The following AUTS2 variants were observed in gnomAD, a reference collection of about 807,000 sequenced individuals.
The protein encoded by AUTS2 is autism susceptibility gene 2 protein.
AUTS2 carries 17 observed loss-of-function variants against 112.4 expected under a neutral mutation model. The observed-to-expected ratio is 0.15, with a 90% CI of 0.10 to 0.23. The LOEUF is 0.23. AUTS2 is among the 10% of genes least tolerant of loss of function. The pLI is 1.00. For missense variants in AUTS2, 1,510 were observed against 1,701.6 expected, an observed-to-expected ratio of 0.89 and a Z score of 1.98; for synonymous variants, 751 against 702.7, an observed-to-expected ratio of 1.07 and a Z score of -1.09.
At chr7:70,089,640 T>A (rs1803803488) in intron 2 of AUTS2, among the ~76,000 whole-genome samples, 1 of 152,182 alleles carries the variant, frequency 6.6e-6, no homozygotes, top group Admixed American at 6.5e-5. Flanking sequence ...TTATATATTT[T>A]ATCTTATTTT....
chr7:70,068,663 T>A (rs1802612078), intron 2 of AUTS2, among the ~76,000 whole-genome samples: 1 of 152,212 alleles, frequency 6.6e-6, no homozygotes, highest in African/African-American at 2.4e-5. Context: ...CAATTGATGA[T>A]ATTTGTTTAA....
chr7:69,662,876 A>G (rs919454573), intron 1 of AUTS2, among the ~76,000 whole-genome samples: 5 of 152,212 alleles, frequency 3.3e-5, no homozygotes, highest in African/African-American at 4.8e-5. Flanking sequence ...GAATTACACA[A>G]TATAAGAGTT....
chr7:70,128,028 A>C (rs1806070804), intron 3 of AUTS2, among the ~76,000 whole-genome samples: 1 of 151,546 alleles, frequency 6.6e-6, no homozygotes, highest in South Asian at 2.1e-4. Context: ...AACAGACTTG[A>C]GCCACTACCA....
chr7:69,843,962 G>A (rs778187044), intron 1 of AUTS2, among the ~76,000 whole-genome samples: 7 of 152,180 alleles, frequency 4.6e-5, no homozygotes, highest in Non-Finnish European at 1.0e-4. Flanking sequence ...CAAGTGGCCT[G>A]ATAAATAGTA....
intron 6 of AUTS2, among the ~76,000 whole-genome samples, chr7:70,732,331 A>G (rs1231288216): frequency 1.3e-5 from 2 of 152,212 alleles, no homozygotes; most frequent in Admixed American, 6.5e-5. Flanking sequence ...GATTCCTCAC[A>G]TGGAGAAGAG....
chr7:70,678,405 GC>G (rs1387116882), intron 5 of AUTS2, among the ~76,000 whole-genome samples: 1 of 152,156 alleles, frequency 6.6e-6, no homozygotes, highest in East Asian at 1.9e-4. Flanking sequence ...ATATTGCCTT[GC>G]CCCTCAACTC....
chr7:70,615,058 A>T (rs1043879765), intron 5 of AUTS2, among the ~76,000 whole-genome samples: 1 of 152,206 alleles, frequency 6.6e-6, no homozygotes, highest in African/African-American at 2.4e-5. Flanking sequence ...CGAACGCTGG[A>T]TGAAGAACAA....
At chr7:70,480,240 A>G (rs1314406783) in intron 5 of AUTS2, among the ~76,000 whole-genome samples, 1 of 152,248 alleles carries the variant, frequency 6.6e-6, no homozygotes, top group Non-Finnish European at 1.5e-5. Context: ...ACTTAGGACA[A>G]CTTTGAGCCA....
At chr7:70,490,532 C>T (rs1377841930) in intron 5 of AUTS2, among the ~76,000 whole-genome samples, 2 of 152,044 alleles carry the variant, frequency 1.3e-5, no homozygotes, top group African/African-American at 4.8e-5. Flanking sequence ...GTGTACACAG[C>T]CCAGTTGACT....
chr7:69,665,494 C>T (rs1374120139), intron 1 of AUTS2, among the ~76,000 whole-genome samples: 1 of 152,084 alleles, frequency 6.6e-6, no homozygotes, highest in Non-Finnish European at 1.5e-5. Context: ...AAAACTGAAC[C>T]ACAGAAGTAT....
At chr7:69,912,289 C>G (rs1338057653) in intron 2 of AUTS2, among the ~76,000 whole-genome samples, 3 of 152,216 alleles carry the variant, frequency 2.0e-5, no homozygotes, top group African/African-American at 7.2e-5. Context: ...GGCACTTCCC[C>G]AGGCGCCTGA....
At chr7:69,774,426 T>G (rs984125167) in intron 1 of AUTS2, among the ~76,000 whole-genome samples, 1 of 152,194 alleles carries the variant, frequency 6.6e-6, no homozygotes. Context: ...TATCTTTTGA[T>G]GTCCGGGATA....
chr7:69,860,490 C>G (rs1562933446), intron 1 of AUTS2, among the ~76,000 whole-genome samples: 1 of 152,132 alleles, frequency 6.6e-6, no homozygotes, highest in African/African-American at 2.4e-5. Flanking sequence ...TCCTTGTGCT[C>G]TTTTCCAACA....
chr7:69,888,010 G>T (rs1464201969), intron 1 of AUTS2, among the ~76,000 whole-genome samples: 3 of 152,010 alleles, frequency 2.0e-5, no homozygotes, highest in Admixed American at 2.0e-4. Flanking sequence ...TTTTTGTGTT[G>T]CTACAAAGGA....
intron 2 of AUTS2, among the ~76,000 whole-genome samples, chr7:69,979,792 C>G (rs777385046): frequency 3.9e-5 from 6 of 152,184 alleles, no homozygotes; most frequent in Non-Finnish European, 1.5e-5. Context: ...GAAAGGCTGC[C>G]TGCTATACAG....
At chr7:70,300,603 T>C (rs1409511256) in intron 4 of AUTS2, among the ~76,000 whole-genome samples, 2 of 152,192 alleles carry the variant, frequency 1.3e-5, no homozygotes, top group Non-Finnish European at 2.9e-5. Context: ...ACACATCTTT[T>C]TGAGAATTTT....
intron 5 of AUTS2, among the ~76,000 whole-genome samples, chr7:70,594,918 A>G (rs1585349278): frequency 6.6e-6 from 1 of 152,278 alleles, no homozygotes; most frequent in South Asian, 2.1e-4. Flanking sequence ...CCTGACCAAC[A>G]TGGAGAAACC....
At chr7:69,864,080 G>T (rs1481190512) in intron 1 of AUTS2, among the ~76,000 whole-genome samples, 1 of 152,148 alleles carries the variant, frequency 6.6e-6, no homozygotes, top group South Asian at 2.1e-4. Flanking sequence ...ACATTACAAT[G>T]TTTAAACCCA....
At chr7:70,193,449 C>A (rs554062756) in intron 4 of AUTS2, among the ~76,000 whole-genome samples, 2 of 152,306 alleles carry the variant, frequency 1.3e-5, no homozygotes, top group South Asian at 4.1e-4. Context: ...TTAAAAGAGA[C>A]CCCTGCCTTC....
Sources: gnomAD v4.1 joint callset for allele counts (sites outside exome capture counted in the v4.1 genomes callset) on GRCh38, gnomAD v4.1.1 for gene constraint, MANE v1.5 for transcripts, NCBI Gene and HGNC (gene_info 2026-07-23, HGNC 2026-07-21) for gene names.